FMNL2: variants seen among roughly 807,000 people sequenced by gnomAD.
FMNL2 encodes formin like 2, also known as formin-like protein 2.
In FMNL2, 51 loss-of-function variants were observed where a neutral mutation model predicts 130.2. The ratio of observed to expected loss-of-function variants is 0.39; its 90% CI spans 0.31 to 0.49. FMNL2 has a LOEUF of 0.49. FMNL2 is among the 20% of genes least tolerant of loss of function. The pLI is 0.85. For synonymous variants in FMNL2, 465 were observed against 467.1 expected (o/e 1.00, Z 0.06); for missense variants, 977 against 1,316.2 (o/e 0.74, Z 3.99).
At chr2:152,410,582 G>A (rs1478247916) in intron 1 of FMNL2, among the ~76,000 whole-genome samples, 1 of 152,208 alleles carries the variant, frequency 6.6e-6, no homozygotes, top group Non-Finnish European at 1.5e-5. Flanking sequence ...CAGGAGGAAT[G>A]CTAGCTAAAT....
In FMNL2 at chr2:152,626,413, A is replaced by T; in HGVS notation, c.1963-112A>T. On this transcript the variant is annotated intron_variant, in intron 16 of 25. Coordinates refer to ENST00000288670, the MANE Select transcript of FMNL2 (RefSeq NM_052905.4). Reference sequence around the variant, plus strand: ...AAAATAGAGGAAGCCATGGCCAAAGACAAGTACTTAATAGAAAAAGTGACG... The same window carrying T: ...AAAATAGAGGAAGCCATGGCCAAAGTCAAGTACTTAATAGAAAAAGTGACG... The T allele has an allele frequency of 4.8e-6, 4 of 829,420 alleles. 1 individual carries two copies. The South Asian group carries it at 5.5e-5, about 11-fold the overall frequency. The allele number at this position is 829,420 out of a possible 1,614,324, so 51.4% of individuals were successfully genotyped here.
At chr2:152,474,321 G>T (rs1275897986) in intron 1 of FMNL2, among the ~76,000 whole-genome samples, 1 of 152,216 alleles carries the variant, frequency 6.6e-6, no homozygotes, top group East Asian at 1.9e-4. Context: ...TGGCTGAAGA[G>T]AAATTTTACC....
chr2:152,498,737 C>G (rs1021432473), intron 1 of FMNL2, among the ~76,000 whole-genome samples: 2 of 152,160 alleles, frequency 1.3e-5, no homozygotes, highest in African/African-American at 4.8e-5. Context: ...TCTCTACCAC[C>G]ACCCTTTTTC....
At chr2:152,445,016 G>T (rs1310760637) in intron 1 of FMNL2, among the ~76,000 whole-genome samples, 1 of 152,244 alleles carries the variant, frequency 6.6e-6, no homozygotes, top group Non-Finnish European at 1.5e-5. Flanking sequence ...GTATCTTGCT[G>T]TTGGCACTGT....
intron 12 of FMNL2, among the ~76,000 whole-genome samples, chr2:152,615,238 A>C (rs1698885672): frequency 6.6e-6 from 1 of 152,122 alleles, no homozygotes; most frequent in Non-Finnish European, 1.5e-5. Context: ...GTTTCTGCTG[A>C]GGTGCATTTC....
At chr2:152,645,803 C>T (rs554209913) in intron 25 of FMNL2, among the ~76,000 whole-genome samples, 64 of 152,252 alleles carry the variant, frequency 4.2e-4, no homozygotes, top group African/African-American at 1.2e-3. Context: ...CTTTGAGTTA[C>T]TCAGTTAAAC....
chr2:152,427,442 G>A (rs1399545413), intron 1 of FMNL2, among the ~76,000 whole-genome samples: 1 of 152,168 alleles, frequency 6.6e-6, no homozygotes, highest in Non-Finnish European at 1.5e-5. Context: ...AGCTACTCGA[G>A]AGGCTGAGGC....
intron 1 of FMNL2, among the ~76,000 whole-genome samples, chr2:152,389,701 C>T (rs4664107): frequency 0.08 from 12,205 of 152,244 alleles, 531 homozygotes; most frequent in African/African-American, 0.1. Flanking sequence ...GGAGGAGGAG[C>T]GGTTCGATGG....
chr2:152,466,928 A>C (rs1166438500), intron 1 of FMNL2, among the ~76,000 whole-genome samples: 2 of 152,150 alleles, frequency 1.3e-5, no homozygotes, highest in Non-Finnish European at 2.9e-5. Flanking sequence ...CTTCCTAATA[A>C]GCCTGCACCG....
At chr2:152,530,938 A>C (rs1693653467) in intron 2 of FMNL2, among the ~76,000 whole-genome samples, 1 of 152,174 alleles carries the variant, frequency 6.6e-6, no homozygotes, top group Non-Finnish European at 1.5e-5. Context: ...AATTAGAAAT[A>C]TGGTTTGGGT....
chr2:152,453,979 T>C (rs143191959), intron 1 of FMNL2, among the ~76,000 whole-genome samples: 2 of 152,278 alleles, frequency 1.3e-5, no homozygotes, highest in African/African-American at 4.8e-5. Flanking sequence ...GTATTAGATT[T>C]ATATGTTTTC....
chr2:152,625,614 G>A (rs12478681), intron 16 of FMNL2, 52 bp downstream of exon 16: 182,265 of 1,549,872 alleles, frequency 0.12, 12,140 homozygotes, highest in Admixed American at 0.24. Flanking sequence ...CAGCAAAGCC[G>A]GCATGGGTGT....
At chr2:152,402,079 T>G (rs1451282086) in intron 1 of FMNL2, among the ~76,000 whole-genome samples, 1 of 151,980 alleles carries the variant, frequency 6.6e-6, no homozygotes, top group Non-Finnish European at 1.5e-5. Flanking sequence ...ATTTTTTGTA[T>G]TTTTAGTAGA....
intron 10 of FMNL2, among the ~76,000 whole-genome samples, chr2:152,608,360 GAAAAAAAAAAAGAAAAAA>G (rs773205159): frequency 0.033 from 540 of 16,562 alleles, 7 homozygotes; most frequent in Middle Eastern, 0.12. Context: ...CCCTTTTTGT[GAAAAAAAAAAAGAAAAAA>G]AAAAAAAAAA....
intron 16 of FMNL2, 71 bp from the exon 17 acceptor site, chr2:152,626,454 C>G: frequency 7.6e-7 from 1 of 1,317,086 alleles, no homozygotes; most frequent in Non-Finnish European, 1.0e-6. Context: ...GCTTAAGAAA[C>G]TAACTGGTGG....
intron 1 of FMNL2, among the ~76,000 whole-genome samples, chr2:152,389,683 G>A (rs562395308): frequency 1.3e-5 from 2 of 152,360 alleles, no homozygotes; most frequent in East Asian, 1.9e-4. Flanking sequence ...CGCGATGGGC[G>A]GAGAGCAGGA....
intron 4 of FMNL2, among the ~76,000 whole-genome samples, chr2:152,554,184 A>G (rs1695087413): frequency 2.0e-5 from 3 of 152,162 alleles, no homozygotes; most frequent in African/African-American, 4.8e-5. Context: ...GGTGGGCAGG[A>G]TGGCTTGAGC....
At chr2:152,531,740 G>A (rs1270595655) in intron 2 of FMNL2, among the ~76,000 whole-genome samples, 3 of 152,110 alleles carry the variant, frequency 2.0e-5, no homozygotes, top group Non-Finnish European at 2.9e-5. Flanking sequence ...GATTACAGGC[G>A]TGAACTACTG....
At chr2:152,468,380 A>G (rs1689669611) in intron 1 of FMNL2, among the ~76,000 whole-genome samples, 1 of 152,238 alleles carries the variant, frequency 6.6e-6, no homozygotes, top group Non-Finnish European at 1.5e-5. Flanking sequence ...TTTCAGTTCA[A>G]TTAATTTACA....
Sources: gnomAD v4.1 joint callset for allele counts (sites outside exome capture counted in the v4.1 genomes callset) on GRCh38, gnomAD v4.1.1 for gene constraint, MANE v1.5 for transcripts, NCBI Gene and HGNC (gene_info 2026-07-23, HGNC 2026-07-21) for gene names.